The following TDRD12 variants were observed in gnomAD, a reference collection of about 807,000 sequenced individuals.
TDRD12 encodes the protein putative ATP-dependent RNA helicase TDRD12.
In TDRD12, 158 loss-of-function variants were observed where a neutral mutation model predicts 133.5. That is an observed-to-expected ratio of 1.18 (90% CI 1.04 to 1.35). TDRD12 has a LOEUF of 1.35. TDRD12 is among the 40% of genes most tolerant of loss of function. The pLI is 0.00. For synonymous variants in TDRD12, 460 were observed against 477.9 expected (o/e 0.96, Z 0.49); for missense variants, 1,443 against 1,321.3 (o/e 1.09, Z -1.43).
At chr19:32,745,811 T>A (rs996513619) in intron 4 of TDRD12, among the ~76,000 whole-genome samples, 2 of 134,464 alleles carry the variant, frequency 1.5e-5, no homozygotes, top group African/African-American at 2.9e-5. Context: ...TGTGTGTGTG[T>A]GTGAGAGAGA....
chr19:32,802,038 G>T (rs1971403338), intron 19 of TDRD12, among the ~76,000 whole-genome samples, 165 bp downstream of exon 19: 1 of 151,188 alleles, frequency 6.6e-6, no homozygotes, highest in South Asian at 2.1e-4. Context: ...CCTCCACTAA[G>T]ATTTTGATGT....
chr19:32,797,936 T>A (rs1416322437), intron 15 of TDRD12, 45 bp downstream of exon 15: 2 of 653,762 alleles, frequency 3.1e-6, no homozygotes, highest in Admixed American at 5.0e-5. Flanking sequence ...AGTATCCTTT[T>A]CACTGTCTTC....
chr19:32,798,408 G>A (rs954242944), exon 16 of TDRD12: 5 of 1,535,642 alleles, frequency 3.3e-6, no homozygotes, highest in Non-Finnish European at 4.4e-6. Flanking sequence ...ATGAGGTAGA[G>A]GTGCTATTCT....
intron 2 of TDRD12, among the ~76,000 whole-genome samples, chr19:32,733,588 C>T (rs1003327763): frequency 6.6e-6 from 1 of 152,042 alleles, no homozygotes; most frequent in African/African-American, 2.4e-5. Context: ...TTCATGTGAA[C>T]TTCATGTTGA....
intron 26 of TDRD12, among the ~76,000 whole-genome samples, chr19:32,815,965 G>A (rs948742675): frequency 6.6e-6 from 1 of 151,868 alleles, no homozygotes; most frequent in Admixed American, 6.6e-5. Flanking sequence ...CTGCACTCCA[G>A]CCTGGCGACA....
At chr19:32,788,624 T>A (rs1170047430) in intron 11 of TDRD12, among the ~76,000 whole-genome samples, 1 of 152,200 alleles carries the variant, frequency 6.6e-6, no homozygotes, top group African/African-American at 2.4e-5. Context: ...GGAGTTTTCT[T>A]CTCCCTACAC....
chr19:32,749,044 G>C (rs547413498), intron 5 of TDRD12, among the ~76,000 whole-genome samples: 233 of 152,288 alleles, frequency 1.5e-3, no homozygotes, highest in African/African-American at 5.5e-3. Flanking sequence ...CAGATACCTG[G>C]TTTTAGTGAT....
chr19:32,787,544 G>A lies in TDRD12; in HGVS notation c.1122-2987G>A, dbSNP rs1258386203. ...TGCCCCCAGAGGTGGAATCTGGAGA[G>A]GCAGTAGGCCTTGCTGAGCTGCGGT... is the stretch of plus-strand genomic sequence containing the variant. On this transcript the variant is annotated intron_variant, in intron 11 of 27. Transcript: ENST00000444215. Among the ~76,000 whole-genome samples the A allele has an allele frequency of 3.3e-5, 5 of 152,236 alleles. No individual in the cohort carries two copies. The South Asian group carries it at 6.2e-4, about 19-fold the overall frequency.
chr19:32,800,765 T>C, exon 18 of TDRD12: 1 of 1,530,614 alleles, frequency 6.5e-7, no homozygotes. Context: ...ACAGAAATAG[T>C]GTGTAAGGTG....
intron 1 of TDRD12, 25 bp downstream of exon 1, chr19:32,720,121 C>G: frequency 6.5e-7 from 1 of 1,545,526 alleles, no homozygotes; most frequent in Non-Finnish European, 8.7e-7. Flanking sequence ...GCCAGACCCA[C>G]GCCAGACCCA....
intron 21 of TDRD12, among the ~76,000 whole-genome samples, chr19:32,806,943 C>T (rs1045708291): frequency 1.4e-4 from 21 of 151,964 alleles, no homozygotes; most frequent in African/African-American, 3.4e-4. Flanking sequence ...ATTACAGGCA[C>T]GAGCCACTGT....
chr19:32,775,194 G>A (rs544080054), intron 10 of TDRD12, among the ~76,000 whole-genome samples: 2 of 152,216 alleles, frequency 1.3e-5, no homozygotes, highest in Admixed American at 1.3e-4. Context: ...AAAAGTCCCT[G>A]AGGCTCTGTT....
chr19:32,734,526 A>G (rs1969165813), intron 2 of TDRD12, among the ~76,000 whole-genome samples: 2 of 151,316 alleles, frequency 1.3e-5, no homozygotes, highest in South Asian at 2.1e-4. Context: ...ATGCACCACC[A>G]CACCTGGCTA....
rs749350244 is a variant in TDRD12, at chr19:32,800,230, C to A, written c.1822C>A (p.His608Asn). ...AGTTGAAGAAAGGGAATCTGCACCA[C>A]ATCAGATTGTTGCAGTTGGAGTTCA... The change falls in exon 17 of 28, where the codon CAT becomes AAT. Residue 608 changes from histidine (H) to asparagine (N), a missense_variant. His to Asn is a moderately conservative substitution (Grantham distance 68). Coordinates refer to ENST00000444215, the Ensembl canonical transcript of TDRD12. 4 of 1,533,594 alleles carry A rather than the reference C, an allele frequency of 2.6e-6. No homozygotes were observed. The African/African-American group carries it at 5.5e-5, about 21-fold the overall frequency. 95.0% of individuals were successfully genotyped at this position (1,533,594 alleles called of 1,614,324 possible).
At chr19:32,749,139 G>A (rs1451561996) in intron 5 of TDRD12, among the ~76,000 whole-genome samples, 1 of 152,122 alleles carries the variant, frequency 6.6e-6, no homozygotes, top group Non-Finnish European at 1.5e-5. Flanking sequence ...TCATCATCTG[G>A]GTAGAGGAGG....
intron 6 of TDRD12, 98 bp downstream of exon 6, chr19:32,749,967 G>T: frequency 1.1e-6 from 1 of 878,952 alleles, no homozygotes. Flanking sequence ...AGTTCGTACA[G>T]CATAGAAATT....
intron 8 of TDRD12, among the ~76,000 whole-genome samples, chr19:32,760,503 G>T (rs1037398579): frequency 2.6e-5 from 4 of 152,124 alleles, no homozygotes; most frequent in Non-Finnish European, 5.9e-5. Flanking sequence ...TATTACAGAA[G>T]GGCTACAGTG....
In TDRD12 at chr19:32,729,252, C is replaced by T. The variant is rs1452305857; in HGVS notation, c.25-2473C>T. 5.3e-5 allele frequency among the ~76,000 whole-genome samples: 7 copies of T among 131,766 alleles called. No individual in the cohort carries two copies. The Admixed American group carries it at 5.5e-4, about 10-fold the overall frequency. The allele number at this position is 131,766 out of a possible 152,430, so 86.4% of individuals were successfully genotyped here. Reference sequence around the variant, plus strand: ...TTTTTTTGTGAGATGGAGTCTTGCTCTGTCGCCCAGGCTGGAGTGCAGTGG... The same window carrying T: ...TTTTTTTGTGAGATGGAGTCTTGCTTTGTCGCCCAGGCTGGAGTGCAGTGG... On this transcript the variant is annotated intron_variant, in intron 1 of 27. Coordinates refer to ENST00000444215, the Ensembl canonical transcript of TDRD12.
At chr19:32,787,133 T>TG (rs976174193) in intron 11 of TDRD12, among the ~76,000 whole-genome samples, 1 of 152,100 alleles carries the variant, frequency 6.6e-6, no homozygotes, top group African/African-American at 2.4e-5. Context: ...TTTTTGTTGA[T>TG]GTTGATGCTA....
Sources: gnomAD v4.1 joint callset for allele counts (sites outside exome capture counted in the v4.1 genomes callset) on GRCh38, gnomAD v4.1.1 for gene constraint, MANE v1.5 for transcripts, NCBI Gene and HGNC (gene_info 2026-07-23, HGNC 2026-07-21) for gene names.